The following LEKR1 variants were observed in gnomAD, a reference collection of about 807,000 sequenced individuals.
LEKR1 encodes leucine, glutamate and lysine rich 1, also known as protein LEKR1.
Under a neutral mutation model 72.4 loss-of-function variants are expected in LEKR1, and 59 were observed. That is an observed-to-expected ratio of 0.82 (90% CI 0.66 to 1.01). LEKR1 has a LOEUF of 1.01. Among genes scored for constraint, LEKR1 ranks in the 50% least tolerant of loss-of-function variants. The pLI, the probability that LEKR1 is intolerant of heterozygous loss-of-function variation, is 0.00. For missense variants in LEKR1, 728 were observed against 759.2 expected (o/e 0.96, Z 0.48); for synonymous variants, 257 against 263.2 (o/e 0.98, Z 0.23).
intron 7 of LEKR1, chr3:156,988,342 T>C: frequency 4.5e-6 from 1 of 222,886 alleles, no homozygotes; most frequent in Admixed American, 4.3e-5. Context: ...GCCCAGCCTC[T>C]GGGTCAGCTG....
chr3:156,839,615 C>A (rs763481863), intron 2 of LEKR1, among the ~76,000 whole-genome samples: 32 of 152,058 alleles, frequency 2.1e-4, no homozygotes, highest in Non-Finnish European at 4.0e-4. Flanking sequence ...AGACATCACA[C>A]AAGAGGAATT....
intron 3 of LEKR1, among the ~76,000 whole-genome samples, chr3:156,915,119 C>G (rs1330706173): frequency 6.6e-6 from 1 of 151,956 alleles, no homozygotes; most frequent in Admixed American, 6.6e-5. Flanking sequence ...AGGACATGAT[C>G]TCATTCTTTT....
intron 6 of LEKR1, among the ~76,000 whole-genome samples, chr3:156,976,214 C>A (rs1371460340): frequency 6.6e-6 from 1 of 152,120 alleles, no homozygotes; most frequent in East Asian, 1.9e-4. Flanking sequence ...TTTTTACTGT[C>A]TATTATTCTA....
intron 3 of LEKR1, among the ~76,000 whole-genome samples, chr3:156,885,088 G>T (rs966765091): frequency 2.0e-5 from 3 of 151,982 alleles, no homozygotes; most frequent in African/African-American, 7.2e-5. Flanking sequence ...ACTTTACAGG[G>T]CATTTTGTAT....
chr3:156,977,506 A>G lies in LEKR1; in HGVS notation c.746-1688A>G, dbSNP rs376234745. The G allele has an allele frequency of 8.1e-5, 33 of 406,060 alleles. 1 individual carries two copies. Among genetic ancestry groups the G allele is most frequent in the South Asian group, 3.5e-4 (16 of 45,710 alleles). The allele number at this position is 406,060 out of a possible 1,614,324, so 25.2% of individuals were successfully genotyped here. On this transcript the variant is annotated intron_variant, in intron 6 of 12. Transcript: ENST00000356539. The stretch of plus-strand genomic sequence containing the variant: ...TGCAAGAGAATCTCCCTTAGGTCAT[A>G]GTGCAGCCTGGGAAGAGACCTTTAC...
At chr3:156,928,108 A>G (rs1724893919) in intron 5 of LEKR1, among the ~76,000 whole-genome samples, 1 of 152,036 alleles carries the variant, frequency 6.6e-6, no homozygotes, top group South Asian at 2.1e-4. Context: ...AAACTATGGA[A>G]CAGTAAAACA....
intron 10 of LEKR1, among the ~76,000 whole-genome samples, chr3:157,018,018 G>A (rs935013966): frequency 6.0e-5 from 9 of 149,624 alleles, no homozygotes; most frequent in Non-Finnish European, 1.3e-4. Context: ...AGATTTCACA[G>A]CAAAGAAATC....
chr3:157,015,940 G>A (rs911347841), intron 10 of LEKR1, among the ~76,000 whole-genome samples: 1 of 152,088 alleles, frequency 6.6e-6, no homozygotes, highest in African/African-American at 2.4e-5. Flanking sequence ...ACACTGGATT[G>A]GATTGATGGC....
chr3:156,885,785 C>A (rs1448014745), intron 3 of LEKR1, among the ~76,000 whole-genome samples: 1 of 152,214 alleles, frequency 6.6e-6, no homozygotes, highest in Non-Finnish European at 1.5e-5. Context: ...ACACTCAGGA[C>A]CTCTGGATGG....
intron 10 of LEKR1, 34 bp downstream of exon 10, chr3:157,011,540 C>A: frequency 7.0e-7 from 1 of 1,428,630 alleles, no homozygotes; most frequent in Non-Finnish European, 9.9e-7. Flanking sequence ...AGCATGCAAC[C>A]TATTTGCATT....
intron 4 of LEKR1, among the ~76,000 whole-genome samples, chr3:156,923,863 G>T (rs1318709391): frequency 1.3e-5 from 2 of 152,040 alleles, no homozygotes; most frequent in East Asian, 3.9e-4. Flanking sequence ...GAGTAGCTGG[G>T]ACTACAGGTG....
intron 3 of LEKR1, among the ~76,000 whole-genome samples, chr3:156,909,274 T>C (rs1032389167): frequency 3.9e-5 from 6 of 152,218 alleles, no homozygotes; most frequent in Non-Finnish European, 8.8e-5. Flanking sequence ...AGTACTTTTA[T>C]ATGTAGTGCT....
intron 3 of LEKR1, among the ~76,000 whole-genome samples, chr3:156,865,297 A>C (rs910717038): frequency 6.6e-6 from 1 of 152,008 alleles, no homozygotes; most frequent in Non-Finnish European, 1.5e-5. Flanking sequence ...AAATTACTTA[A>C]ATGCCCTTTG....
At chr3:156,853,908 AT>A (rs1392092704) in intron 3 of LEKR1, among the ~76,000 whole-genome samples, 3 of 152,018 alleles carry the variant, frequency 2.0e-5, no homozygotes, top group Non-Finnish European at 4.4e-5. Flanking sequence ...CCTGTCAGGG[AT>A]TCTTTTGTTT....
chr3:156,909,997 G>A (rs1473309639), intron 3 of LEKR1, among the ~76,000 whole-genome samples: 1 of 151,938 alleles, frequency 6.6e-6, no homozygotes, highest in Non-Finnish European at 1.5e-5. Context: ...TTAAAGATGT[G>A]AATCCTAAAA....
chr3:156,900,559 A>G (rs1174445271), intron 3 of LEKR1, among the ~76,000 whole-genome samples: 1 of 152,210 alleles, frequency 6.6e-6, no homozygotes, highest in Non-Finnish European at 1.5e-5. Context: ...CTAAAAAAAA[A>G]TCACTTTACA....
intron 9 of LEKR1, among the ~76,000 whole-genome samples, chr3:157,002,628 C>T (rs1732101294): frequency 6.6e-6 from 1 of 152,138 alleles, no homozygotes; most frequent in Non-Finnish European, 1.5e-5. Flanking sequence ...AATGGAGGCT[C>T]AGCAGGGAAT....
chr3:156,958,742 G>T (rs1201909774), intron 6 of LEKR1, among the ~76,000 whole-genome samples: 2 of 152,010 alleles, frequency 1.3e-5, no homozygotes, highest in East Asian at 3.9e-4. Context: ...TAGTATGCAG[G>T]TGTCCTTCAA....
chr3:157,015,438 A>T (rs1413538273), intron 10 of LEKR1, among the ~76,000 whole-genome samples: 1 of 152,212 alleles, frequency 6.6e-6, no homozygotes, highest in Non-Finnish European at 1.5e-5. Context: ...CCTGTAATTT[A>T]TAAGGCCCTA....
Sources: gnomAD v4.1 joint callset for allele counts (sites outside exome capture counted in the v4.1 genomes callset) on GRCh38, gnomAD v4.1.1 for gene constraint, MANE v1.5 for transcripts, NCBI Gene and HGNC (gene_info 2026-07-23, HGNC 2026-07-21) for gene names.